The following GRM8 variants were observed in gnomAD, a reference collection of about 807,000 sequenced individuals.
GRM8 encodes the protein metabotropic glutamate receptor 8.
Under a neutral mutation model 87.2 loss-of-function variants are expected in GRM8, and 47 were observed. The ratio of observed to expected loss-of-function variants is 0.54; its 90% confidence interval spans 0.43 to 0.69. The LOEUF (loss-of-function observed/expected upper bound fraction) is 0.69. Ranked by LOEUF, GRM8 falls within the 30% of genes least tolerant of loss-of-function variation. GRM8 has a pLI of 0.00. For synonymous variants in GRM8, 396 were observed against 404.5 expected, an observed-to-expected ratio of 0.98 and a Z score of 0.25; for missense variants, 1,019 against 1,139.2, an observed-to-expected ratio of 0.89 and a Z score of 1.52.
intron 2 of GRM8, among the ~76,000 whole-genome samples, chr7:127,134,511 T>A (rs1200039118): frequency 2.6e-5 from 4 of 152,170 alleles, no homozygotes; most frequent in Admixed American, 2.6e-4. Context: ...CCAAATGGGA[T>A]TATTTGAAGC....
intron 3 of GRM8, among the ~76,000 whole-genome samples, chr7:126,945,028 T>C (rs1280050294): frequency 2.0e-5 from 3 of 152,118 alleles, no homozygotes; most frequent in African/African-American, 7.2e-5. Flanking sequence ...AGGAAGTTGG[T>C]ACCAATCTTT....
chr7:127,006,198 A>T (rs1041490170), intron 3 of GRM8, among the ~76,000 whole-genome samples: 2 of 151,894 alleles, frequency 1.3e-5, no homozygotes, highest in African/African-American at 4.8e-5. Context: ...GAGGGATGAA[A>T]TCTCCTTGGT....
rs186991901 is a variant in GRM8, at chr7:126,873,253, C to A, written c.1156+29289G>T. Among the ~76,000 whole-genome samples, 9 of 152,184 alleles carry A rather than the reference C, an allele frequency of 5.9e-5. No homozygotes were observed. In the East Asian group the frequency reaches 1.7e-3, roughly 29 times the overall value. ...AATTCAAAAACAACCATATTCATTGCAATTTTTTTCTATTCCGAACATGAC... is the reference window on the plus strand; with the variant it reads ...AATTCAAAAACAACCATATTCATTGAAATTTTTTTCTATTCCGAACATGAC... On this transcript the variant is annotated intron_variant, in intron 6 of 10. Transcript: ENST00000339582.
intron 7 of GRM8, among the ~76,000 whole-genome samples, chr7:126,725,256 T>C (rs1333902383): frequency 6.6e-6 from 1 of 152,242 alleles, no homozygotes; most frequent in South Asian, 2.1e-4. Flanking sequence ...CATAAATACA[T>C]GTGACGCATG....
intron 2 of GRM8, among the ~76,000 whole-genome samples, chr7:127,155,815 G>T (rs1258246295): frequency 3.3e-5 from 5 of 152,124 alleles, no homozygotes; most frequent in Admixed American, 3.3e-4. Flanking sequence ...AATCAGTCCT[G>T]TCCTCCTTAT....
At chr7:126,988,088 G>T (rs906097132) in intron 3 of GRM8, among the ~76,000 whole-genome samples, 1 of 150,818 alleles carries the variant, frequency 6.6e-6, no homozygotes, top group African/African-American at 2.4e-5. Flanking sequence ...AAAAAAAAAT[G>T]ACAACACAGA....
intron 2 of GRM8, among the ~76,000 whole-genome samples, chr7:127,168,552 T>C (rs948812161): frequency 6.6e-6 from 1 of 152,164 alleles, no homozygotes; most frequent in Non-Finnish European, 1.5e-5. Context: ...CACATTCACA[T>C]GCACACATAT....
intron 8 of GRM8, among the ~76,000 whole-genome samples, chr7:126,539,851 G>A (rs1816333105): frequency 6.6e-6 from 1 of 151,764 alleles, no homozygotes; most frequent in Non-Finnish European, 1.5e-5. Context: ...AAAACTCATA[G>A]AAGAAAACAG....
chr7:126,683,199 A>C (rs1401619621), intron 7 of GRM8, among the ~76,000 whole-genome samples: 5 of 152,222 alleles, frequency 3.3e-5, no homozygotes, highest in Non-Finnish European at 4.4e-5. Flanking sequence ...CTGAACCCAC[A>C]ATTGTTTCCT....
At chr7:126,548,001 G>A (rs1388943861) in intron 8 of GRM8, among the ~76,000 whole-genome samples, 3 of 152,048 alleles carry the variant, frequency 2.0e-5, no homozygotes, top group Non-Finnish European at 4.4e-5. Context: ...AAAAAGATGT[G>A]AATCCACCAC....
At chr7:127,191,903 G>C (rs907603013) in intron 2 of GRM8, among the ~76,000 whole-genome samples, 1 of 151,998 alleles carries the variant, frequency 6.6e-6, no homozygotes, top group Non-Finnish European at 1.5e-5. Flanking sequence ...GGCTGGTACC[G>C]CATTAAATTG....
intron 7 of GRM8, among the ~76,000 whole-genome samples, chr7:126,670,714 GC>G (rs1806281103): frequency 2.0e-5 from 3 of 152,222 alleles, no homozygotes; most frequent in Admixed American, 1.3e-4. Context: ...TGAATGTCAA[GC>G]AAAACAAGAG....
At chr7:126,788,771 G>C (rs1199042391) in intron 6 of GRM8, among the ~76,000 whole-genome samples, 4 of 144,408 alleles carry the variant, frequency 2.8e-5, no homozygotes, top group African/African-American at 1.0e-4. Context: ...AAAGCAATTA[G>C]AGGTAGATCT....
chr7:126,848,192 G>C (rs1248267063), intron 6 of GRM8, among the ~76,000 whole-genome samples: 1 of 152,158 alleles, frequency 6.6e-6, no homozygotes, highest in Non-Finnish European at 1.5e-5. Flanking sequence ...GAGCAGACAG[G>C]ATTAATTTGG....
intron 2 of GRM8, among the ~76,000 whole-genome samples, chr7:127,176,204 G>A (rs1222124824): frequency 1.3e-5 from 2 of 152,064 alleles, no homozygotes; most frequent in African/African-American, 4.8e-5. Context: ...GCTAGGAAAG[G>A]AGATAAAATA....
At chr7:126,930,582 C>A (rs1254805243) in intron 3 of GRM8, among the ~76,000 whole-genome samples, 1 of 152,130 alleles carries the variant, frequency 6.6e-6, no homozygotes, top group Non-Finnish European at 1.5e-5. Context: ...GGTCTTCAAC[C>A]AAGTTTTCAT....
At chr7:126,853,535 C>A (rs1797410879) in intron 6 of GRM8, among the ~76,000 whole-genome samples, 1 of 152,108 alleles carries the variant, frequency 6.6e-6, no homozygotes, top group South Asian at 2.1e-4. Context: ...TACAATTGAA[C>A]CAAGTCGTTT....
chr7:126,730,961 A>G (rs1813519588), intron 7 of GRM8, among the ~76,000 whole-genome samples: 1 of 152,262 alleles, frequency 6.6e-6, no homozygotes, highest in South Asian at 2.1e-4. Flanking sequence ...TTGTTTGGTA[A>G]ACATTACAGC....
intron 6 of GRM8, among the ~76,000 whole-genome samples, chr7:126,785,385 C>G (rs1261789962): frequency 6.6e-6 from 1 of 152,090 alleles, no homozygotes; most frequent in Non-Finnish European, 1.5e-5. Flanking sequence ...CAACCACACA[C>G]CAATGCTACC....
Sources: gnomAD v4.1 joint callset for allele counts (sites outside exome capture counted in the v4.1 genomes callset) on GRCh38, gnomAD v4.1.1 for gene constraint, MANE v1.5 for transcripts, NCBI Gene and HGNC (gene_info 2026-07-23, HGNC 2026-07-21) for gene names.